Variants in MSI2 observed in about 807,000 individuals in gnomAD.
MSI2 encodes the protein musashi RNA binding protein 2, also known as RNA-binding protein Musashi homolog 2.
MSI2 carries 17 observed loss-of-function variants against 45.6 expected under a neutral mutation model. That is an observed-to-expected ratio of 0.37 (90% CI 0.26 to 0.56). The LOEUF is 0.56. Ranked by LOEUF, MSI2 falls within the 20% of genes least tolerant of loss-of-function variation. The pLI is 0.77. For synonymous variants in MSI2, 156 were observed against 158.2 expected (o/e 0.99, Z 0.11); for missense variants, 293 against 444.2 (o/e 0.66, Z 3.06).
intron 5 of MSI2, among the ~76,000 whole-genome samples, chr17:57,282,331 G>T (rs1429525114): frequency 1.3e-5 from 2 of 152,256 alleles, no homozygotes; most frequent in African/African-American, 2.4e-5. Context: ...TGTTAGCCTT[G>T]CTGCTCCTCC....
intron 5 of MSI2, among the ~76,000 whole-genome samples, chr17:57,295,763 G>C (rs1910864578): frequency 6.6e-6 from 1 of 152,176 alleles, no homozygotes; most frequent in Admixed American, 6.5e-5. Context: ...TATAGCTAAA[G>C]TATTTGTTCT....
chr17:57,332,033 C>T (rs1167469206), intron 5 of MSI2, among the ~76,000 whole-genome samples: 1 of 151,822 alleles, frequency 6.6e-6, no homozygotes, highest in Non-Finnish European at 1.5e-5. Context: ...AAAGTTTGGT[C>T]CTCTCCCAGG....
At chr17:57,335,198 A>G (rs1914607136) in intron 5 of MSI2, among the ~76,000 whole-genome samples, 1 of 147,488 alleles carries the variant, frequency 6.8e-6, no homozygotes, top group Non-Finnish European at 1.5e-5. Flanking sequence ...TTGAGAAGCC[A>G]GCAAGTATGA....
At chr17:57,617,998 G>A (rs1390362221) in intron 9 of MSI2, 1 of 152,080 alleles carries the variant, frequency 6.6e-6, no homozygotes, top group African/African-American at 2.4e-5. Context: ...TTGAACCCAG[G>A]AGGCAGAGGT....
At chr17:57,510,293 C>A (rs984150411) in intron 6 of MSI2, among the ~76,000 whole-genome samples, 2 of 151,918 alleles carry the variant, frequency 1.3e-5, no homozygotes, top group African/African-American at 4.8e-5. Flanking sequence ...GTGGCCCCAT[C>A]CCCAGGGAGC....
intron 5 of MSI2, among the ~76,000 whole-genome samples, chr17:57,386,111 G>A (rs1182523548): frequency 6.6e-6 from 1 of 152,092 alleles, no homozygotes; most frequent in East Asian, 1.9e-4. Flanking sequence ...AGTCACCAAT[G>A]GTCTTTTTTA....
intron 10 of MSI2, among the ~76,000 whole-genome samples, chr17:57,642,310 A>G (rs1910320240): frequency 6.6e-6 from 1 of 152,114 alleles, no homozygotes; most frequent in Non-Finnish European, 1.5e-5. Flanking sequence ...TTGCCACTTG[A>G]TCTTGGAGAA....
At chr17:57,623,309 G>T (rs879406261) in intron 9 of MSI2, among the ~76,000 whole-genome samples, 1 of 152,058 alleles carries the variant, frequency 6.6e-6, no homozygotes, top group African/African-American at 2.4e-5. Flanking sequence ...TCAAGTCTGG[G>T]GCCTGGTGGG....
rs1354724551 is a variant in MSI2 at position 57,682,600 on chromosome 17, A to C, written c.*3083A>C. 1.4e-5 allele frequency: 3 copies of C among 211,610 alleles called. No homozygotes were observed. The highest frequency in any genetic ancestry group is 2.3e-5 in the African/African-American group (1 of 43,402). 13.1% of individuals were successfully genotyped at this position (211,610 alleles called of 1,614,324 possible). A position where few individuals can be genotyped will look rare whatever the true frequency, so the allele number is the denominator to read the frequency against. ...GTTTTAATGTGGCTACCTAGGTTTA[A>C]GGTTCACGTTAGTCCCCCCATTCCA... On this transcript the variant is annotated 3_prime_UTR_variant, in exon 14 of 14. Coordinates refer to ENST00000284073, the MANE Select transcript of MSI2 (RefSeq NM_138962.4).
intron 5 of MSI2, among the ~76,000 whole-genome samples, chr17:57,330,168 G>A (rs1914123468): frequency 6.6e-6 from 1 of 152,108 alleles, no homozygotes; most frequent in Non-Finnish European, 1.5e-5. Flanking sequence ...GTTCAGCACT[G>A]CTGCTGTTTT....
intron 6 of MSI2, among the ~76,000 whole-genome samples, chr17:57,521,591 G>A (rs908886992): frequency 4.6e-5 from 7 of 152,092 alleles, no homozygotes; most frequent in African/African-American, 1.7e-4. Context: ...CTTCTGGCAG[G>A]GAATGAACTT....
At chr17:57,418,909 T>C (rs898185603) in intron 6 of MSI2, among the ~76,000 whole-genome samples, 1 of 152,244 alleles carries the variant, frequency 6.6e-6, no homozygotes, top group African/African-American at 2.4e-5. Flanking sequence ...TGGAAATTTT[T>C]ATATAAAACC....
chr17:57,568,461 G>A (rs547423475), intron 7 of MSI2, among the ~76,000 whole-genome samples: 2 of 152,132 alleles, frequency 1.3e-5, no homozygotes, highest in Non-Finnish European at 2.9e-5. Flanking sequence ...AAAGACTCTC[G>A]TGCCTCTAGT....
At chr17:57,540,579 G>A (rs550590340) in intron 7 of MSI2, among the ~76,000 whole-genome samples, 1 of 152,344 alleles carries the variant, frequency 6.6e-6, no homozygotes, top group East Asian at 1.9e-4. Flanking sequence ...TCTTAGTGGA[G>A]TGAACTGATC....
intron 7 of MSI2, among the ~76,000 whole-genome samples, chr17:57,563,697 CTGTCTGTCTG>C (rs2087646066): frequency 6.7e-6 from 1 of 150,296 alleles, no homozygotes. Flanking sequence ...GTCTGTCTGT[CTGTCTGTCTG>C]TCTCTCTCTC....
intron 5 of MSI2, among the ~76,000 whole-genome samples, chr17:57,352,386 G>C (rs1359500343): frequency 6.6e-6 from 1 of 152,176 alleles, no homozygotes; most frequent in African/African-American, 2.4e-5. Context: ...TAGAGGACTC[G>C]ATGTTTGTTC....
intron 10 of MSI2, among the ~76,000 whole-genome samples, chr17:57,641,863 C>T (rs956676350): frequency 2.0e-5 from 3 of 152,196 alleles, no homozygotes; most frequent in Non-Finnish European, 2.9e-5. Context: ...GCTGCTGGCA[C>T]AGGGTAGCAA....
chr17:57,631,712 C>A, intron 10 of MSI2: 1 of 1,235,504 alleles, frequency 8.1e-7, no homozygotes, highest in South Asian at 1.3e-5. Flanking sequence ...GGGATCTCCC[C>A]TGCTTCCTCT....
chr17:57,339,727 G>T (rs1254760327), intron 5 of MSI2, among the ~76,000 whole-genome samples: 1 of 152,174 alleles, frequency 6.6e-6, no homozygotes, highest in Non-Finnish European at 1.5e-5. Flanking sequence ...CCTGTGATCA[G>T]TCATTGGTAG....
Sources: allele counts gnomAD v4.1 joint callset (sites outside exome capture counted in the v4.1 genomes callset), GRCh38; gene constraint gnomAD v4.1.1; transcripts MANE v1.5; gene names NCBI Gene and HGNC (gene_info 2026-07-23, HGNC 2026-07-21).